RAPGEF6: variants seen among roughly 807,000 people sequenced by gnomAD.
RAPGEF6 encodes PDZ domain containing guanine nucleotide exchange factor (GEF) 2.
In RAPGEF6, 56 loss-of-function variants were observed where a neutral mutation model predicts 171.4. The ratio of observed to expected loss-of-function variants is 0.33; its 90% CI spans 0.26 to 0.41. The LOEUF (loss-of-function observed/expected upper bound fraction) is 0.41. Ranked by LOEUF, RAPGEF6 falls within the 10% of genes least tolerant of loss-of-function variation. The pLI is 1.00. For missense variants in RAPGEF6, 1,674 were observed against 1,921.4 expected (o/e 0.87, Z 2.41); for synonymous variants, 692 against 650.1 (o/e 1.06, Z -0.98).
chr5:131,466,712 G>A (rs1189540585), intron 17 of RAPGEF6, among the ~76,000 whole-genome samples: 1 of 152,190 alleles, frequency 6.6e-6, no homozygotes, highest in African/African-American at 2.4e-5. Flanking sequence ...CCCCAGCCAC[G>A]TGGAACTGCG....
At chr5:131,615,693 A>G (rs529284981) in intron 1 of RAPGEF6, among the ~76,000 whole-genome samples, 1 of 152,270 alleles carries the variant, frequency 6.6e-6, no homozygotes, top group African/African-American at 2.4e-5. Flanking sequence ...TGAGGTAAGG[A>G]GTTCACGACC....
At chr5:131,437,427 G>A (rs1201955287) in intron 24 of RAPGEF6, among the ~76,000 whole-genome samples, 1 of 152,222 alleles carries the variant, frequency 6.6e-6, no homozygotes. Flanking sequence ...GGACCACTGA[G>A]CAGCCTCTAA....
At chr5:131,595,979 C>G (rs1763874431) in intron 3 of RAPGEF6, among the ~76,000 whole-genome samples, 1 of 151,928 alleles carries the variant, frequency 6.6e-6, no homozygotes, top group Admixed American at 6.6e-5. Context: ...ATGGCGAAAC[C>G]CTGTCTCTAC....
At chr5:131,480,813 G>A (rs925654167) in intron 15 of RAPGEF6, among the ~76,000 whole-genome samples, 3 of 151,194 alleles carry the variant, frequency 2.0e-5, no homozygotes, top group Non-Finnish European at 4.4e-5. Context: ...AATATATATC[G>A]ATTCCTCACG....
intron 15 of RAPGEF6, among the ~76,000 whole-genome samples, chr5:131,488,527 T>G (rs1002176725): frequency 6.6e-6 from 1 of 152,192 alleles, no homozygotes; most frequent in Non-Finnish European, 1.5e-5. Context: ...CAAAAAATTC[T>G]GAAGGCTTAC....
At chr5:131,517,780 T>TACACACACACACAC (rs36091456) in intron 7 of RAPGEF6, among the ~76,000 whole-genome samples, 1 of 140,400 alleles carries the variant, frequency 7.1e-6, no homozygotes, top group Non-Finnish European at 1.5e-5. Flanking sequence ...TTCGCGCATG[T>TACACACACACACAC]ACACACACAC....
At chr5:131,562,841 C>T (rs1156275102) in intron 4 of RAPGEF6, among the ~76,000 whole-genome samples, 1 of 151,732 alleles carries the variant, frequency 6.6e-6, no homozygotes, top group Admixed American at 6.6e-5. Context: ...ATATGAAGTG[C>T]CAACTATATA....
chr5:131,508,661 T>C (rs1361575949), intron 8 of RAPGEF6, among the ~76,000 whole-genome samples: 1 of 152,156 alleles, frequency 6.6e-6, no homozygotes, highest in South Asian at 2.1e-4. Context: ...TAGCTCAAGA[T>C]TTGTCTAACT....
chr5:131,480,337 T>C (rs1329273444), intron 15 of RAPGEF6, among the ~76,000 whole-genome samples: 1 of 152,196 alleles, frequency 6.6e-6, no homozygotes, highest in Non-Finnish European at 1.5e-5. Context: ...ACCAACCCTA[T>C]GCATATACCG....
chr5:131,523,603 A>G (rs1294358210), intron 6 of RAPGEF6, among the ~76,000 whole-genome samples: 3 of 152,010 alleles, frequency 2.0e-5, no homozygotes, highest in African/African-American at 4.8e-5. Context: ...CATGGAGAGG[A>G]AAAAAGGTGA....
chr5:131,481,894 A>T (rs1260549523), intron 15 of RAPGEF6, among the ~76,000 whole-genome samples: 1 of 152,194 alleles, frequency 6.6e-6, no homozygotes, highest in Non-Finnish European at 1.5e-5. Context: ...TTTAAGTTGT[A>T]AATTGTGTAA....
At chr5:131,515,405 T>C (rs1245438679) in intron 7 of RAPGEF6, among the ~76,000 whole-genome samples, 1 of 152,198 alleles carries the variant, frequency 6.6e-6, no homozygotes, top group Non-Finnish European at 1.5e-5. Context: ...AATAAAGTTT[T>C]AGTTAGCAGA....
chr5:131,498,452 T>C lies in RAPGEF6; in HGVS notation c.1410A>G (p.Leu470=), dbSNP rs149660254. ...KLLEWFKIDS[L]RDKVTRIVLL... ...CCCTTATAAAACCAACCTTATCTCT[T>C]AAGCTGTCGATCTTAAACCATTCCA... Residue 470 remains leucine, a synonymous_variant, in exon 12 of 28, where the codon TTA becomes TTG. Transcript: ENST00000509018. The C allele has an allele frequency of 1.1e-5, 17 of 1,605,274 alleles. No homozygotes were observed. In the African/African-American group the frequency reaches 1.6e-4, roughly 15 times the overall value.
chr5:131,469,903 A>T (rs1754627948), intron 17 of RAPGEF6: 1 of 1,013,884 alleles, frequency 9.9e-7, no homozygotes, highest in Non-Finnish European at 1.4e-6. Context: ...TTTCATTTTG[A>T]TCTAGTAATA....
At chr5:131,462,523 C>T (rs946037518) in intron 18 of RAPGEF6, among the ~76,000 whole-genome samples, 5 of 152,176 alleles carry the variant, frequency 3.3e-5, no homozygotes, top group Admixed American at 2.0e-4. Flanking sequence ...AGAAGTTACT[C>T]CACTCACTTC....
chr5:131,434,890 C>T (rs962095667), intron 24 of RAPGEF6, among the ~76,000 whole-genome samples: 6 of 152,116 alleles, frequency 3.9e-5, no homozygotes, highest in Non-Finnish European at 7.4e-5. Flanking sequence ...CAACAAGGGA[C>T]GGGTCTCAAA....
chr5:131,429,143 C>T lies in RAPGEF6; in HGVS notation c.4539G>A (p.Gly1513=), dbSNP rs1052648689. Residue 1513 remains glycine (G), a synonymous_variant, in exon 27 of 28, where the codon GGG becomes GGA. Coordinates refer to ENST00000509018, the MANE Select transcript of RAPGEF6 (RefSeq NM_016340.6). ...EPPPTPPGYL[G]ISLADLKEGP... Reference sequence around the variant, plus strand: ...CTTCCTTTAGGTCCGCTAAAGAAATCCCCAAATATCCTGGAGGAGTGGGAG... The same window carrying T: ...CTTCCTTTAGGTCCGCTAAAGAAATTCCCAAATATCCTGGAGGAGTGGGAG... 6.2e-7 allele frequency: 1 copy of T among 1,613,876 alleles called. No homozygotes were observed. Among genetic ancestry groups the T allele is most frequent in the Non-Finnish European group, 8.5e-7 (1 of 1,179,810 alleles).
intron 4 of RAPGEF6, among the ~76,000 whole-genome samples, chr5:131,577,240 C>T (rs1434879319): frequency 6.6e-6 from 1 of 152,200 alleles, no homozygotes. Context: ...AGGCCTTCGG[C>T]ATCCAGTGGA....
chr5:131,594,858 T>C (rs1456903508), intron 3 of RAPGEF6, among the ~76,000 whole-genome samples: 1 of 152,178 alleles, frequency 6.6e-6, no homozygotes, highest in East Asian at 1.9e-4. Context: ...ATTTCTACCA[T>C]TTGGAACAGG....
Sources: allele counts gnomAD v4.1 joint callset (sites outside exome capture counted in the v4.1 genomes callset), GRCh38; gene constraint gnomAD v4.1.1; transcripts MANE v1.5; gene names NCBI Gene and HGNC (gene_info 2026-07-23, HGNC 2026-07-21).